The following LRRC37A2 variants were observed in gnomAD, a reference collection of about 807,000 sequenced individuals.
LRRC37A2 encodes leucine rich repeat containing 37 member A2, also known as leucine-rich repeat-containing protein 37A2.
In LRRC37A2, 9 loss-of-function variants were observed where a neutral mutation model predicts 68.8. The observed-to-expected ratio is 0.13, with a 90% CI of 0.08 to 0.23. The LOEUF (loss-of-function observed/expected upper bound fraction) is 0.23. LRRC37A2 is among the 10% of genes least tolerant of loss of function. LRRC37A2 has a pLI of 1.00. For synonymous variants in LRRC37A2, 63 were observed against 367.6 expected (o/e 0.17, Z 9.48); for missense variants, 168 against 950.4 (o/e 0.18, Z 10.82).
the LRRC37A2 span, chr17:46,923,299 G>A: frequency 6.5e-7 from 1 of 1,547,804 alleles, no homozygotes. Flanking sequence ...CTGAGGCCTC[G>A]GACGTCAGCC....
chr17:46,816,475 G>GCA, the LRRC37A2 span, among the ~76,000 whole-genome samples: 17,997 of 143,956 alleles, frequency 0.13, 1,289 homozygotes, highest in Non-Finnish European at 0.18. Flanking sequence ...CAGAACACAC[G>GCA]CACACACACA....
At chr17:46,842,309 A>G in the LRRC37A2 span, among the ~76,000 whole-genome samples, 6 of 152,192 alleles carry the variant, frequency 3.9e-5, no homozygotes, top group Non-Finnish European at 7.4e-5. Context: ...GCACACCCCA[A>G]TATCATTCCT....
the LRRC37A2 span, among the ~76,000 whole-genome samples, chr17:46,883,267 C>T: frequency 1.3e-5 from 2 of 151,006 alleles, no homozygotes; most frequent in Non-Finnish European, 2.9e-5. Flanking sequence ...CAGGCGTGAG[C>T]TACTGCGCCC....
the LRRC37A2 span, among the ~76,000 whole-genome samples, chr17:46,826,727 C>T: frequency 6.6e-6 from 1 of 151,070 alleles, no homozygotes; most frequent in Non-Finnish European, 1.5e-5. Context: ...GCACCTGGGA[C>T]ATGTAAAATG....
the LRRC37A2 span, among the ~76,000 whole-genome samples, chr17:46,837,199 C>G: frequency 6.6e-6 from 1 of 152,126 alleles, no homozygotes. Context: ...CCGCGGCCCC[C>G]CAAAGTGCTG....
At chr17:46,994,360 G>A in the LRRC37A2 span, among the ~76,000 whole-genome samples, 1 of 150,954 alleles carries the variant, frequency 6.6e-6, no homozygotes, top group African/African-American at 2.4e-5. Flanking sequence ...ACTCCAGCCT[G>A]GGCAACTACA....
the LRRC37A2 span, chr17:46,875,344 A>G: frequency 6.2e-7 from 1 of 1,609,204 alleles, no homozygotes; most frequent in Non-Finnish European, 8.5e-7. Context: ...GCAGACGCCC[A>G]CAATACCCAC....
chr17:46,737,564 T>TGTGTGTGC, the LRRC37A2 span, among the ~76,000 whole-genome samples: 2 of 95,916 alleles, frequency 2.1e-5, no homozygotes, highest in Non-Finnish European at 4.8e-5. Flanking sequence ...TCACCTAGGG[T>TGTGTGTGC]GTGTGTGCGT....
the LRRC37A2 span, among the ~76,000 whole-genome samples, chr17:46,971,078 C>T: frequency 3.3e-5 from 5 of 152,088 alleles, no homozygotes; most frequent in Non-Finnish European, 5.9e-5. Flanking sequence ...TAGGCCGGTG[C>T]GGTGGCTCAT....
the LRRC37A2 span, among the ~76,000 whole-genome samples, chr17:46,942,878 AG>A: frequency 6.6e-5 from 10 of 152,196 alleles, no homozygotes; most frequent in Non-Finnish European, 1.2e-4. Flanking sequence ...TGGGCCCCCA[AG>A]TGCTGTTGGT....
At chr17:46,940,593 A>G in the LRRC37A2 span, 1 of 1,614,062 alleles carries the variant, frequency 6.2e-7, no homozygotes, top group African/African-American at 1.3e-5. Context: ...CTTTGGAGGA[A>G]GGTCTGCAGG....
At chr17:46,771,347 C>T in the LRRC37A2 span, among the ~76,000 whole-genome samples, 2 of 151,930 alleles carry the variant, frequency 1.3e-5, no homozygotes, top group Non-Finnish European at 2.9e-5. Flanking sequence ...ATCCTAGACG[C>T]CCCAGCCCTG....
At chr17:46,924,251 A>G in the LRRC37A2 span, 1 of 168,506 alleles carries the variant, frequency 5.9e-6, no homozygotes, top group Admixed American at 6.4e-5. Flanking sequence ...ATTTCACTTA[A>G]TGTTTTCAGG....
At chr17:46,721,525 T>C in the LRRC37A2 span, 1 of 1,072,636 alleles carries the variant, frequency 9.3e-7, no homozygotes. Context: ...CTGGGCTGAC[T>C]ATACATTCTT....
At chr17:46,983,765 G>A in the LRRC37A2 span, among the ~76,000 whole-genome samples, 2 of 152,206 alleles carry the variant, frequency 1.3e-5, no homozygotes, top group African/African-American at 2.4e-5. Flanking sequence ...ATTTCTGAGG[G>A]CCAGGAACCT....
At chr17:46,986,018 A>G in the LRRC37A2 span, among the ~76,000 whole-genome samples, 2 of 152,200 alleles carry the variant, frequency 1.3e-5, no homozygotes, top group African/African-American at 4.8e-5. Context: ...CTCTTTGGAT[A>G]AATAGTTCTG....
At chr17:46,875,405 A>G in the LRRC37A2 span, 10 of 1,549,688 alleles carry the variant, frequency 6.5e-6, no homozygotes, top group Non-Finnish European at 8.7e-6. Flanking sequence ...CCTTCCCACC[A>G]GGGTACACAG....
At chr17:46,738,978 G>A in the LRRC37A2 span, among the ~76,000 whole-genome samples, 3 of 145,826 alleles carry the variant, frequency 2.1e-5, no homozygotes, top group South Asian at 2.2e-4. Flanking sequence ...GCTCACACCC[G>A]TAATCCCAGC....
At chr17:46,884,907 A>G in the LRRC37A2 span, 1 of 339,248 alleles carries the variant, frequency 2.9e-6, no homozygotes, top group Middle Eastern at 5.5e-4. Flanking sequence ...TGGTTCAAAT[A>G]TCTCCAGTGA....
Sources: allele counts gnomAD v4.1 joint callset (sites outside exome capture counted in the v4.1 genomes callset), GRCh38; gene constraint gnomAD v4.1.1; transcripts MANE v1.5; gene names NCBI Gene and HGNC (gene_info 2026-07-23, HGNC 2026-07-21).